Variants in AGBL4 observed in about 807,000 individuals in gnomAD.
AGBL4 encodes the protein AGBL carboxypeptidase 4.
Under a neutral mutation model 66.4 loss-of-function variants are expected in AGBL4, and 58 were observed. The ratio of observed to expected loss-of-function variants is 0.87; its 90% CI spans 0.71 to 1.09. The LOEUF is 1.09. Ranked by LOEUF, AGBL4 falls within the 50% of genes least tolerant of loss-of-function variation. AGBL4 has a pLI of 0.00. For missense variants in AGBL4, 579 were observed against 631.0 expected (o/e 0.92, Z 0.88); for synonymous variants, 234 against 222.9 (o/e 1.05, Z -0.44).
chr1:48,870,294 T>C (rs1648524268), intron 5 of AGBL4, among the ~76,000 whole-genome samples: 1 of 152,004 alleles, frequency 6.6e-6, no homozygotes, highest in South Asian at 2.1e-4. Context: ...TCTGTCTTTG[T>C]CATGTACTGT....
At chr1:48,746,215 T>C (rs1224016411) in intron 6 of AGBL4, among the ~76,000 whole-genome samples, 1 of 152,126 alleles carries the variant, frequency 6.6e-6, no homozygotes, top group Admixed American at 6.5e-5. Context: ...GATTTCAGAG[T>C]CTAGTACAGA....
At chr1:49,168,662 T>C (rs142231228) in intron 4 of AGBL4, among the ~76,000 whole-genome samples, 1 of 152,314 alleles carries the variant, frequency 6.6e-6, no homozygotes, top group African/African-American at 2.4e-5. Context: ...CATGTCTTGC[T>C]TCATGCAACT....
chr1:49,592,427 G>C (rs1179252609), intron 3 of AGBL4, among the ~76,000 whole-genome samples: 1 of 152,080 alleles, frequency 6.6e-6, no homozygotes, highest in East Asian at 1.9e-4. Context: ...AAAATTAGCT[G>C]GGTGTGGTGG....
chr1:49,111,269 C>T (rs542475934), intron 4 of AGBL4, among the ~76,000 whole-genome samples: 18 of 152,218 alleles, frequency 1.2e-4, no homozygotes, highest in Admixed American at 2.6e-4. Context: ...CCTGCCACCA[C>T]GCCCGGCTAA....
At chr1:49,956,332 T>C (rs930341721) in intron 1 of AGBL4, among the ~76,000 whole-genome samples, 2 of 152,000 alleles carry the variant, frequency 1.3e-5, no homozygotes, top group East Asian at 1.9e-4. Flanking sequence ...ATTTGTGACA[T>C]ACATTTCTAC....
intron 4 of AGBL4, among the ~76,000 whole-genome samples, chr1:49,125,492 G>C (rs781506589): frequency 1.3e-5 from 2 of 152,070 alleles, no homozygotes; most frequent in Non-Finnish European, 2.9e-5. Flanking sequence ...AACTAGGGCT[G>C]TGCTCATCAA....
At chr1:49,936,361 T>C (rs1480082346) in intron 1 of AGBL4, among the ~76,000 whole-genome samples, 1 of 152,166 alleles carries the variant, frequency 6.6e-6, no homozygotes, top group East Asian at 1.9e-4. Flanking sequence ...CTGCGTCTGA[T>C]TGGGGTACCT....
At chr1:49,191,913 C>T (rs1296109443) in intron 4 of AGBL4, among the ~76,000 whole-genome samples, 2 of 152,146 alleles carry the variant, frequency 1.3e-5, no homozygotes, top group African/African-American at 4.8e-5. Flanking sequence ...AATAGTGCTG[C>T]AGTGAACATA....
chr1:49,594,212 C>A (rs947949197), intron 3 of AGBL4, among the ~76,000 whole-genome samples: 1 of 151,970 alleles, frequency 6.6e-6, no homozygotes, highest in Non-Finnish European at 1.5e-5. Context: ...TTCAATTGTA[C>A]GAAAAACTAA....
intron 3 of AGBL4, among the ~76,000 whole-genome samples, chr1:49,267,424 T>C (rs1038553326): frequency 1.3e-5 from 2 of 152,162 alleles, no homozygotes; most frequent in Non-Finnish European, 2.9e-5. Context: ...CTCACGCCTA[T>C]AATCCCAGCA....
chr1:49,302,509 C>T lies in AGBL4; in HGVS notation c.283-56645G>A, dbSNP rs369132662. On this transcript the variant is annotated intron_variant, in intron 3 of 13. Transcript: ENST00000371839. Reference sequence around the variant, plus strand: ...ACCTCAGGCAATCCACCCGCCTTGGCCTCCCAAAGTGCTGGGATTACAGGC... The same window carrying T: ...ACCTCAGGCAATCCACCCGCCTTGGTCTCCCAAAGTGCTGGGATTACAGGC... 3.4e-4 allele frequency among the ~76,000 whole-genome samples: 52 copies of T among 151,850 alleles called. 1 individual carries two copies. In the South Asian group the frequency reaches 9.6e-3, roughly 28 times the overall value.
intron 4 of AGBL4, among the ~76,000 whole-genome samples, chr1:49,100,642 G>A (rs916310183): frequency 6.6e-6 from 1 of 152,192 alleles, no homozygotes; most frequent in African/African-American, 2.4e-5. Context: ...CTAGGCCAGA[G>A]ATTGTAAGTC....
At chr1:48,534,780 T>G in intron 13 of AGBL4, 110 bp downstream of exon 13, 1 of 1,167,522 alleles carries the variant, frequency 8.6e-7, no homozygotes, top group East Asian at 2.6e-5. Flanking sequence ...CCACATTCAT[T>G]GAAGAGCCTT....
chr1:48,999,188 C>T (rs1295788408), intron 5 of AGBL4, among the ~76,000 whole-genome samples: 2 of 152,120 alleles, frequency 1.3e-5, no homozygotes, highest in African/African-American at 4.8e-5. Context: ...CCTTAAGGTC[C>T]CTTCCATCCC....
intron 2 of AGBL4, among the ~76,000 whole-genome samples, chr1:49,705,597 G>A (rs1427658729): frequency 6.6e-6 from 1 of 152,216 alleles, no homozygotes; most frequent in Non-Finnish European, 1.5e-5. Flanking sequence ...AGTGGTGAGA[G>A]AAGGCATCCT....
chr1:48,532,068 G>A (rs1279960547), downstream of AGBL4, among the ~76,000 whole-genome samples: 1 of 152,146 alleles, frequency 6.6e-6, no homozygotes, highest in Non-Finnish European at 1.5e-5. Context: ...ACAGGTGTGA[G>A]CCACCGCACC....
At chr1:48,593,743 T>G (rs1236557350) in intron 9 of AGBL4, among the ~76,000 whole-genome samples, 1 of 152,018 alleles carries the variant, frequency 6.6e-6, no homozygotes, top group Non-Finnish European at 1.5e-5. Context: ...AGTGCGAGAC[T>G]CCGTCTCAAA....
At chr1:49,739,660 G>T (rs1199637788) in intron 2 of AGBL4, among the ~76,000 whole-genome samples, 1 of 152,110 alleles carries the variant, frequency 6.6e-6, no homozygotes, top group Non-Finnish European at 1.5e-5. Context: ...GAGAAAGGTT[G>T]GGTTACCCAC....
intron 1 of AGBL4, among the ~76,000 whole-genome samples, chr1:49,948,575 A>AT (rs1221838983): frequency 1.2e-5 from 1 of 84,626 alleles, no homozygotes; most frequent in African/African-American, 3.7e-5. Flanking sequence ...ATATATATAT[A>AT]TATATATAGA....
Sources: gnomAD v4.1 joint callset for allele counts (sites outside exome capture counted in the v4.1 genomes callset) on GRCh38, gnomAD v4.1.1 for gene constraint, MANE v1.5 for transcripts, NCBI Gene and HGNC (gene_info 2026-07-23, HGNC 2026-07-21) for gene names.